Variants in ITPR2 observed in about 807,000 individuals in gnomAD.
ITPR2 encodes inositol 1,4,5-trisphosphate receptor type 2, also known as inositol 1,4,5-trisphosphate-gated calcium channel ITPR2.
Under a neutral mutation model 317.1 loss-of-function variants are expected in ITPR2, and 207 were observed. The observed-to-expected ratio is 0.65, with a 90% CI of 0.58 to 0.73. The LOEUF is 0.73. ITPR2 is among the 30% of genes least tolerant of loss of function. ITPR2 has a pLI of 0.00. For missense variants in ITPR2, 2,613 were observed against 3,284.0 expected (o/e 0.80, Z 4.99); for synonymous variants, 1,156 against 1,149.1 (o/e 1.01, Z -0.12).
At chr12:26,388,772 C>A (rs1336434935) in intron 54 of ITPR2, among the ~76,000 whole-genome samples, 1 of 152,160 alleles carries the variant, frequency 6.6e-6, no homozygotes, top group Non-Finnish European at 1.5e-5. Flanking sequence ...TATTGGATAT[C>A]TGTATGGAAA....
intron 54 of ITPR2, among the ~76,000 whole-genome samples, chr12:26,393,201 C>A (rs893925675): frequency 6.6e-6 from 1 of 152,300 alleles, no homozygotes; most frequent in Admixed American, 6.5e-5. Flanking sequence ...TATGGAGATT[C>A]TCTCCTTTGT....
intron 33 of ITPR2, among the ~76,000 whole-genome samples, chr12:26,579,475 A>C (rs1158908242): frequency 6.6e-6 from 1 of 152,184 alleles, no homozygotes; most frequent in East Asian, 1.9e-4. Flanking sequence ...GGATAATACT[A>C]TAATGGAATT....
At chr12:26,793,167 T>C (rs947595920) in intron 1 of ITPR2, among the ~76,000 whole-genome samples, 1 of 152,164 alleles carries the variant, frequency 6.6e-6, no homozygotes, top group South Asian at 2.1e-4. Flanking sequence ...TTTTATAAGC[T>C]AAGGACCAGA....
At chr12:26,800,368 AT>A (rs1368652381) in intron 1 of ITPR2, among the ~76,000 whole-genome samples, 2 of 152,380 alleles carry the variant, frequency 1.3e-5, no homozygotes, top group East Asian at 3.9e-4. Flanking sequence ...AACAACAAAT[AT>A]TGTAATTATC....
chr12:26,395,766 A>C (rs1939978680), intron 54 of ITPR2, among the ~76,000 whole-genome samples: 1 of 152,154 alleles, frequency 6.6e-6, no homozygotes, highest in Admixed American at 6.5e-5. Context: ...GTTATGCTTG[A>C]ATGAGAACCT....
rs201945925 is a variant in ITPR2, at chr12:26,419,163, C to T, written c.6996G>A (p.Thr2332=). 140 of 1,613,632 alleles carry T rather than the reference C, an allele frequency of 8.7e-5. No homozygotes were observed. In the East Asian group the frequency reaches 2.5e-3, roughly 29 times the overall value. Residue 2332 remains threonine, a synonymous_variant, in exon 50 of 57, where the codon ACG becomes ACA. Coordinates refer to ENST00000381340, the MANE Select transcript of ITPR2 (RefSeq NM_002223.4). ...FLVSFVGNRG[T]FTRGYRAVIL... ...TGACTGCTCGGTACCCACGGGTGAA[C>T]GTGCCACGATTTCCAACAAAACTCA...
intron 2 of ITPR2, among the ~76,000 whole-genome samples, chr12:26,752,640 G>A (rs1949445758): frequency 6.6e-6 from 1 of 152,156 alleles, no homozygotes; most frequent in South Asian, 2.1e-4. Flanking sequence ...CTGCACTTGG[G>A]GCTGCTCTGT....
At chr12:26,463,169 C>G (rs918957128) in intron 45 of ITPR2, among the ~76,000 whole-genome samples, 1 of 152,128 alleles carries the variant, frequency 6.6e-6, no homozygotes, top group African/African-American at 2.4e-5. Context: ...ATTGATTTAT[C>G]TGTAAATACT....
chr12:26,514,657 A>G (rs141034136), intron 37 of ITPR2, among the ~76,000 whole-genome samples: 92 of 152,336 alleles, frequency 6.0e-4, no homozygotes, highest in African/African-American at 2.1e-3. Context: ...TCACTACTGA[A>G]ACACTGACTT....
chr12:26,552,536 C>T (rs1944552057), intron 36 of ITPR2, among the ~76,000 whole-genome samples: 2 of 152,122 alleles, frequency 1.3e-5, no homozygotes, highest in South Asian at 2.1e-4. Flanking sequence ...AGCAAACACA[C>T]AATGAAAGTA....
At chr12:26,361,396 T>C (rs1174699473) in intron 55 of ITPR2, among the ~76,000 whole-genome samples, 1 of 152,216 alleles carries the variant, frequency 6.6e-6, no homozygotes, top group Non-Finnish European at 1.5e-5. Context: ...CTCTCATTCC[T>C]GTTGCTCAGA....
chr12:26,675,738 A>G (rs1463487701), intron 13 of ITPR2, among the ~76,000 whole-genome samples: 2 of 151,476 alleles, frequency 1.3e-5, no homozygotes, highest in Non-Finnish European at 3.0e-5. Context: ...TTACCAGTGA[A>G]GAATAACAAG....
At chr12:26,541,146 TAAAAA>T (rs3058665) in intron 37 of ITPR2, among the ~76,000 whole-genome samples, 1 of 110,136 alleles carries the variant, frequency 9.1e-6, no homozygotes, top group Non-Finnish European at 1.8e-5. Flanking sequence ...CATCTCTGCT[TAAAAA>T]AAAAAAAAAA....
chr12:26,641,375 T>C (rs1319696571), intron 21 of ITPR2, among the ~76,000 whole-genome samples: 1 of 151,754 alleles, frequency 6.6e-6, no homozygotes, highest in Non-Finnish European at 1.5e-5. Flanking sequence ...TCTTTGCACA[T>C]GAGGAAGTCA....
chr12:26,476,264 A>C (rs1340886715), intron 44 of ITPR2, among the ~76,000 whole-genome samples: 1 of 152,200 alleles, frequency 6.6e-6, no homozygotes, highest in East Asian at 1.9e-4. Context: ...CCCTGATGTG[A>C]GTGGGGCTTA....
At chr12:26,655,558 G>A (rs977145544) in intron 20 of ITPR2, 150 bp downstream of exon 20, 1 of 538,078 alleles carries the variant, frequency 1.9e-6, no homozygotes, top group Non-Finnish European at 3.1e-6. Flanking sequence ...AGCTTGCAGT[G>A]AGCCGAGATC....
intron 35 of ITPR2, among the ~76,000 whole-genome samples, chr12:26,556,792 A>AAAGAT (rs1555155254): frequency 6.9e-6 from 1 of 145,902 alleles, no homozygotes; most frequent in Non-Finnish European, 1.5e-5. Flanking sequence ...AAAAAAAAAA[A>AAAGAT]TTCCAGCCAG....
intron 37 of ITPR2, among the ~76,000 whole-genome samples, chr12:26,512,414 T>C (rs1282352863): frequency 6.6e-6 from 1 of 152,324 alleles, no homozygotes; most frequent in South Asian, 2.1e-4. Context: ...CTATTGCTTA[T>C]GTAAAAATGC....
intron 1 of ITPR2, among the ~76,000 whole-genome samples, chr12:26,803,031 G>A (rs1160515293): frequency 6.6e-6 from 1 of 152,034 alleles, no homozygotes; most frequent in Admixed American, 6.6e-5. Context: ...AGATTATATG[G>A]TTTTCATATC....
Sources: allele counts gnomAD v4.1 joint callset (sites outside exome capture counted in the v4.1 genomes callset), GRCh38; gene constraint gnomAD v4.1.1; transcripts MANE v1.5; gene names NCBI Gene and HGNC (gene_info 2026-07-23, HGNC 2026-07-21).